Variants in SLC44A5 observed in about 807,000 individuals in gnomAD.
SLC44A5 encodes choline transporter-like protein 5.
Under a neutral mutation model 101.8 loss-of-function variants are expected in SLC44A5, and 57 were observed. The observed-to-expected ratio is 0.56, with a 90% CI of 0.45 to 0.70. The LOEUF (loss-of-function observed/expected upper bound fraction) is 0.70, where lower values mean the gene tolerates loss of function less well. Among genes scored for constraint, SLC44A5 ranks in the 30% least tolerant of loss-of-function variants. The pLI, the probability that SLC44A5 is intolerant of heterozygous loss-of-function variation, is 0.00. For synonymous variants in SLC44A5, 281 were observed against 290.9 expected, an observed-to-expected ratio of 0.97 and a Z score of 0.35; for missense variants, 737 against 853.1, an observed-to-expected ratio of 0.86 and a Z score of 1.70.
At chr1:75,707,076 T>C in the SLC44A5 span, among the ~76,000 whole-genome samples, 2 of 152,232 alleles carry the variant, frequency 1.3e-5, no homozygotes, top group Non-Finnish European at 2.9e-5. Context: ...TCACATGATA[T>C]GGTAACAGAA....
chr1:75,691,475 C>T, the SLC44A5 span, among the ~76,000 whole-genome samples: 2 of 152,088 alleles, frequency 1.3e-5, no homozygotes, highest in Admixed American at 6.6e-5. Flanking sequence ...GGAAGCAGAG[C>T]TTGAGACAAG....
chr1:75,474,611 G>A (rs1667285038), intron 2 of SLC44A5, among the ~76,000 whole-genome samples: 1 of 152,086 alleles, frequency 6.6e-6, no homozygotes, highest in South Asian at 2.1e-4. Flanking sequence ...TTTTGTTATT[G>A]CCAATTAGTA....
chr1:75,700,370 C>G, the SLC44A5 span, among the ~76,000 whole-genome samples: 1 of 151,328 alleles, frequency 6.6e-6, no homozygotes, highest in Admixed American at 6.6e-5. Context: ...AACCGCTCAA[C>G]TACATGGAAA....
intron 6 of SLC44A5, among the ~76,000 whole-genome samples, chr1:75,270,128 A>T (rs1183394457): frequency 6.6e-6 from 1 of 152,112 alleles, no homozygotes; most frequent in Non-Finnish European, 1.5e-5. Flanking sequence ...CATATTACCC[A>T]GTCTCAGGTA....
At chr1:75,634,077 G>A in the SLC44A5 span, among the ~76,000 whole-genome samples, 3 of 152,158 alleles carry the variant, frequency 2.0e-5, no homozygotes, top group Non-Finnish European at 4.4e-5. Flanking sequence ...AAGCCCAGTT[G>A]ATCATGGTGG....
At chr1:75,501,521 G>T (rs1341156830) in intron 2 of SLC44A5, among the ~76,000 whole-genome samples, 1 of 152,174 alleles carries the variant, frequency 6.6e-6, no homozygotes, top group Non-Finnish European at 1.5e-5. Context: ...AAGCATAACT[G>T]ATAATGATAG....
chr1:75,463,217 C>T (rs200465748), intron 2 of SLC44A5, among the ~76,000 whole-genome samples: 3 of 152,018 alleles, frequency 2.0e-5, no homozygotes, highest in South Asian at 2.1e-4. Context: ...GTCAGGAGAT[C>T]GAGACCATCT....
intron 1 of SLC44A5, among the ~76,000 whole-genome samples, chr1:75,605,186 T>C (rs973801060): frequency 2.6e-5 from 4 of 151,910 alleles, no homozygotes; most frequent in African/African-American, 9.7e-5. Context: ...AAACCTGCCT[T>C]TTAAGTTTTT....
At chr1:75,687,122 C>T in the SLC44A5 span, among the ~76,000 whole-genome samples, 1 of 152,112 alleles carries the variant, frequency 6.6e-6, no homozygotes, top group Non-Finnish European at 1.5e-5. Context: ...CAACCTAAGA[C>T]TGACTGAACC....
intron 6 of SLC44A5, among the ~76,000 whole-genome samples, chr1:75,259,654 T>C (rs1255004640): frequency 6.6e-6 from 1 of 152,058 alleles, no homozygotes; most frequent in African/African-American, 2.4e-5. Context: ...GGCAGGCCAA[T>C]ATTCAAATTC....
intron 5 of SLC44A5, among the ~76,000 whole-genome samples, chr1:75,291,024 C>G (rs1051266159): frequency 1.3e-5 from 2 of 152,176 alleles, no homozygotes; most frequent in East Asian, 3.9e-4. Flanking sequence ...AGAAAATAGA[C>G]ACAGAATTGA....
At chr1:75,608,349 G>T (rs1411577149) in intron 1 of SLC44A5, among the ~76,000 whole-genome samples, 1 of 151,898 alleles carries the variant, frequency 6.6e-6, no homozygotes, top group Non-Finnish European at 1.5e-5. Context: ...GTGTGTGTGT[G>T]TGTTGTGTGT....
intron 4 of SLC44A5, among the ~76,000 whole-genome samples, chr1:75,316,945 G>C (rs993682815): frequency 3.3e-5 from 5 of 152,178 alleles, no homozygotes; most frequent in African/African-American, 1.2e-4. Flanking sequence ...CAGCAAACAA[G>C]ATTAGGCAGC....
intron 13 of SLC44A5, among the ~76,000 whole-genome samples, chr1:75,222,798 C>T (rs561098492): frequency 1.3e-5 from 2 of 152,250 alleles, no homozygotes; most frequent in South Asian, 2.1e-4. Flanking sequence ...ATGTTTTCAC[C>T]TTTAGTTCAT....
At chr1:75,218,018 C>T in intron 17 of SLC44A5, 58 bp from the exon 18 acceptor site, 4 of 1,131,254 alleles carry the variant, frequency 3.5e-6, no homozygotes, top group Non-Finnish European at 5.3e-6. Flanking sequence ...TAAGGGGATG[C>T]TAATTGAATA....
chr1:75,261,980 G>A (rs1650550801), intron 6 of SLC44A5, among the ~76,000 whole-genome samples: 1 of 151,760 alleles, frequency 6.6e-6, no homozygotes, highest in Non-Finnish European at 1.5e-5. Flanking sequence ...ACTAGGTATT[G>A]ATGGAACGTA....
chr1:75,434,106 C>T lies in SLC44A5; in HGVS notation c.14-37485G>A, dbSNP rs935276421. Among the ~76,000 whole-genome samples, 7 of 152,212 alleles carry T rather than the reference C, an allele frequency of 4.6e-5. 1 individual carries two copies. Among genetic ancestry groups the T allele is most frequent in the African/African-American group, 1.7e-4 (7 of 41,546 alleles). ...ATGGAGACACAGCCAAACCACATCA[C>T]CCTCTCATCTCTAAGCCCTCCTTTC... On this transcript the variant is annotated intron_variant, in intron 2 of 23. Transcript: ENST00000370859.
At chr1:75,268,069 A>G (rs1272084133) in intron 6 of SLC44A5, among the ~76,000 whole-genome samples, 1 of 152,176 alleles carries the variant, frequency 6.6e-6, no homozygotes, top group Admixed American at 6.6e-5. Flanking sequence ...ATCAGAGTCC[A>G]TAGGACACAG....
At chr1:75,644,427 T>C in the SLC44A5 span, among the ~76,000 whole-genome samples, 2 of 152,058 alleles carry the variant, frequency 1.3e-5, no homozygotes, top group African/African-American at 4.8e-5. Flanking sequence ...TGTCATACTA[T>C]TGAATGACTT....
Sources: gnomAD v4.1 joint callset for allele counts (sites outside exome capture counted in the v4.1 genomes callset) on GRCh38, gnomAD v4.1.1 for gene constraint, MANE v1.5 for transcripts, NCBI Gene and HGNC (gene_info 2026-07-23, HGNC 2026-07-21) for gene names.